Variants in EXT1 observed in about 807,000 individuals in gnomAD.
EXT1 encodes exostosin glycosyltransferase 1, also known as exostosin-1.
EXT1 carries 20 observed loss-of-function variants against 82.5 expected under a neutral mutation model. That is an observed-to-expected ratio of 0.24 (90% confidence interval 0.17 to 0.35). The LOEUF (loss-of-function observed/expected upper bound fraction) is 0.35. Among genes scored for constraint, EXT1 ranks in the 10% least tolerant of loss-of-function variants. The pLI is 1.00. For missense variants in EXT1, 757 were observed against 936.5 expected, an observed-to-expected ratio of 0.81 and a Z score of 2.50; for synonymous variants, 348 against 350.8, an observed-to-expected ratio of 0.99 and a Z score of 0.09.
chr8:117,801,392 T>C (rs1435653509), intron 10 of EXT1, among the ~76,000 whole-genome samples: 8 of 152,238 alleles, frequency 5.3e-5, no homozygotes, highest in African/African-American at 1.7e-4. Context: ...GGAACTCTAC[T>C]TGATAAATCA....
chr8:117,887,662 C>A (rs185247103), intron 1 of EXT1, among the ~76,000 whole-genome samples: 1 of 126,404 alleles, frequency 7.9e-6, no homozygotes, highest in African/African-American at 2.8e-5. Context: ...CTTTCTTACT[C>A]TTTCTATTCA....
chr8:117,835,557 CA>C lies in EXT1; in HGVS notation c.1057-7del. On this transcript the variant is annotated splice_region_variant and splice_polypyrimidine_tract_variant and intron_variant, in intron 2 of 10. Coordinates refer to ENST00000378204, the MANE Select transcript of EXT1 (RefSeq NM_000127.3). Reference sequence around the variant, plus strand: ...ATCACAGGGACGCAGGCAGCCTGAGCAAAAAAGGGGACTTCGTGAATGTGAG... The same window carrying C: ...ATCACAGGGACGCAGGCAGCCTGAGCAAAAAGGGGACTTCGTGAATGTGAG... The C allele has an allele frequency of 1.2e-6, 2 of 1,604,188 alleles. No individual in the cohort carries two copies. The highest frequency in any genetic ancestry group is 1.7e-6 in the Non-Finnish European group (2 of 1,172,866).
At chr8:118,025,975 GC>G (rs1487121027) in intron 1 of EXT1, among the ~76,000 whole-genome samples, 1 of 152,136 alleles carries the variant, frequency 6.6e-6, no homozygotes, top group Non-Finnish European at 1.5e-5. Flanking sequence ...AGGTAAAAAT[GC>G]AGACAAAGGC....
intron 1 of EXT1, among the ~76,000 whole-genome samples, chr8:117,973,528 G>A (rs1814986135): frequency 6.6e-6 from 1 of 152,024 alleles, no homozygotes; most frequent in East Asian, 1.9e-4. Context: ...AGTCACTTTG[G>A]GAGGCTGAAG....
intron 1 of EXT1, among the ~76,000 whole-genome samples, chr8:117,839,208 G>C (rs1812233267): frequency 6.6e-6 from 1 of 152,288 alleles, no homozygotes; most frequent in South Asian, 2.1e-4. Context: ...CCTTGCAGGA[G>C]TTAGGAAACC....
chr8:117,871,164 T>C lies in EXT1; in HGVS notation c.963-33963A>G, dbSNP rs144454192. ...ATCTGCCCTTGTTTAGTTTTAGCTG[T>C]ATTCTCCCATGGTTTTCTGATATAA... On this transcript the variant is annotated intron_variant, in intron 1 of 10. Transcript: ENST00000378204. 7.9e-4 allele frequency among the ~76,000 whole-genome samples: 121 copies of C among 152,368 alleles called. 1 individual carries two copies. Among genetic ancestry groups the C allele is most frequent in the Middle Eastern group, 6.8e-3 (2 of 294 alleles).
At position 117,876,237 on chromosome 8, in the gene EXT1, C is replaced by A. The variant is rs981821648; in HGVS notation, c.963-39036G>T. Among the ~76,000 whole-genome samples, 23 of 152,026 alleles carry A rather than the reference C, an allele frequency of 1.5e-4. 1 individual carries two copies. The highest frequency in any genetic ancestry group is 5.3e-4 in the African/African-American group (22 of 41,376). ...AGCATCTAACTCACAAGGAATATAT[C>A]CAGAGGAAATGACACTTGAAATGAA... On this transcript the variant is annotated intron_variant, in intron 1 of 10. Coordinates refer to ENST00000378204, the MANE Select transcript of EXT1 (RefSeq NM_000127.3).
At chr8:117,999,950 G>A (rs200912380) in intron 1 of EXT1, among the ~76,000 whole-genome samples, 1 of 144,766 alleles carries the variant, frequency 6.9e-6, no homozygotes, top group Non-Finnish European at 1.5e-5. Context: ...ATATATATAT[G>A]TATGTGCGTG....
chr8:118,028,364 C>T (rs1259462756), intron 1 of EXT1, among the ~76,000 whole-genome samples: 1 of 152,194 alleles, frequency 6.6e-6, no homozygotes, highest in Non-Finnish European at 1.5e-5. Flanking sequence ...AAAATTGATG[C>T]ATAAAAGAAT....
intron 6 of EXT1, among the ~76,000 whole-genome samples, chr8:117,818,934 T>A (rs1811874728): frequency 6.6e-6 from 1 of 152,194 alleles, no homozygotes; most frequent in Non-Finnish European, 1.5e-5. Flanking sequence ...CATCTGAACA[T>A]CTGCTCTGAA....
intron 1 of EXT1, among the ~76,000 whole-genome samples, chr8:117,970,389 G>A (rs983488554): frequency 6.6e-6 from 1 of 150,740 alleles, no homozygotes; most frequent in Non-Finnish European, 1.5e-5. Context: ...CTGCAACTCC[G>A]CCTCCCAGGT....
intron 1 of EXT1, among the ~76,000 whole-genome samples, chr8:117,980,694 G>GTC (rs1217534332): frequency 8.1e-6 from 1 of 123,394 alleles, no homozygotes; most frequent in Non-Finnish European, 1.8e-5. Context: ...TTCGGGTGTT[G>GTC]GTGGTTTTTT....
intron 10 of EXT1, among the ~76,000 whole-genome samples, chr8:117,804,154 G>T (rs1303196782): frequency 6.6e-6 from 1 of 152,176 alleles, no homozygotes; most frequent in East Asian, 1.9e-4. Context: ...TTAATGTGAT[G>T]ATATTTGCAG....
At chr8:118,034,606 A>G (rs765674951) in intron 1 of EXT1, among the ~76,000 whole-genome samples, 4 of 152,108 alleles carry the variant, frequency 2.6e-5, no homozygotes, top group Non-Finnish European at 5.9e-5. Flanking sequence ...TCACTTGCAC[A>G]TCTGAAGTCA....
chr8:117,920,235 GC>G (rs1209962623), intron 1 of EXT1, among the ~76,000 whole-genome samples: 1 of 151,650 alleles, frequency 6.6e-6, no homozygotes, highest in African/African-American at 2.4e-5. Flanking sequence ...CTCCCGAGTA[GC>G]TGGGATTACA....
At chr8:117,960,533 G>T (rs953075714) in intron 1 of EXT1, among the ~76,000 whole-genome samples, 1 of 152,154 alleles carries the variant, frequency 6.6e-6, no homozygotes, top group Non-Finnish European at 1.5e-5. Context: ...AACAAATCAG[G>T]TAAGTGAATA....
chr8:117,831,622 T>C, intron 3 of EXT1: 1 of 471,164 alleles, frequency 2.1e-6, no homozygotes, highest in Non-Finnish European at 4.4e-6. Flanking sequence ...CTTGCCTCCA[T>C]AACATATGAC....
intron 3 of EXT1, among the ~76,000 whole-genome samples, chr8:117,833,357 C>T (rs1476722813): frequency 6.6e-6 from 1 of 152,232 alleles, no homozygotes; most frequent in Admixed American, 6.5e-5. Flanking sequence ...TGGCTCACGC[C>T]TGTAATCCCA....
intron 1 of EXT1, among the ~76,000 whole-genome samples, chr8:118,078,041 T>C (rs1050354984): frequency 1.3e-5 from 2 of 152,206 alleles, no homozygotes; most frequent in Admixed American, 6.5e-5. Context: ...CTAGACACTA[T>C]GATTTAGTCT....
Sources: gnomAD v4.1 joint callset for allele counts (sites outside exome capture counted in the v4.1 genomes callset) on GRCh38, gnomAD v4.1.1 for gene constraint, MANE v1.5 for transcripts, NCBI Gene and HGNC (gene_info 2026-07-23, HGNC 2026-07-21) for gene names.